TINAGL1: variants seen among roughly 807,000 people sequenced by gnomAD.
The protein encoded by TINAGL1 is tubulointerstitial nephritis antigen like 1.
A neutral mutation model predicts 62.0 loss-of-function variants in TINAGL1; 34 were observed. The ratio of observed to expected loss-of-function variants is 0.55; its 90% CI spans 0.42 to 0.73. TINAGL1 has a LOEUF of 0.73. TINAGL1 is among the 30% of genes least tolerant of loss of function. The probability of loss-of-function intolerance (pLI) is 0.00; values close to 1 mark genes in which losing one functional copy is unlikely to be tolerated. For synonymous variants in TINAGL1, 221 were observed against 249.7 expected (o/e 0.88, Z 1.08); for missense variants, 516 against 653.2 (o/e 0.79, Z 2.29).
At chr1:31,581,826 A>G (rs150228004) in intron 3 of TINAGL1, among the ~76,000 whole-genome samples, 136 of 152,328 alleles carry the variant, frequency 8.9e-4, no homozygotes, top group African/African-American at 3.2e-3. Context: ...TGATTCTCCT[A>G]AGATCACACA....
chr1:31,580,443 G>T (rs1376497044), intron 3 of TINAGL1: 2 of 1,289,190 alleles, frequency 1.6e-6, no homozygotes, highest in East Asian at 1.1e-4. Context: ...GAGTGTCCAG[G>T]GTGTCAGAGC....
Position 31,586,771 on chromosome 1 carries a change from C to T in TINAGL1, c.1263+16C>T. On this transcript the variant is annotated intron_variant, in intron 11 of 11. Transcript: ENST00000271064. ...CAAATACTGGGTGAGGCCGCTGACC[C>T]TTTCCCCGCCCCCTCTTCCCCTCGC... The T allele has an allele frequency of 6.4e-7, 1 of 1,551,754 alleles. No homozygotes were observed.
intron 3 of TINAGL1, among the ~76,000 whole-genome samples, chr1:31,581,226 T>C (rs1022005467): frequency 6.6e-6 from 1 of 151,778 alleles, no homozygotes; most frequent in African/African-American, 2.4e-5. Flanking sequence ...GGAAGCCACG[T>C]AGAGAGCACA....
At chr1:31,580,209 CTCTGTCTCTCTCTCTCTG>C (rs1639197042) in intron 3 of TINAGL1, 1 of 560,168 alleles carries the variant, frequency 1.8e-6, no homozygotes, top group Non-Finnish European at 2.2e-6. Context: ...CTCTCTCTCT[CTCTGTCTCTCTCTCTCTG>C]TCTCTCTCTG....
At position 31,577,599 on chromosome 1, in the gene TINAGL1, A is replaced by G; in HGVS notation, c.310+141A>G. 1.1e-5 allele frequency: 11 copies of G among 959,024 alleles called. No homozygotes were observed. The highest frequency in any genetic ancestry group is 1.5e-5 in the Non-Finnish European group (10 of 660,524). 59.4% of individuals were successfully genotyped at this position (959,024 alleles called of 1,614,324 possible). A position where few individuals can be genotyped will look rare whatever the true frequency, so the allele number is the denominator to read the frequency against. Reference sequence around the variant, plus strand: ...GGGACTCTTCCCTGCCCCTCTGGGAACTTTACTCTCCAGCAAGACTGAAGA... The same window carrying G: ...GGGACTCTTCCCTGCCCCTCTGGGAGCTTTACTCTCCAGCAAGACTGAAGA... On this transcript the variant is annotated intron_variant, in intron 2 of 11. Transcript: ENST00000271064. This position sits in a 1 kb window ranked among gnomAD's most constrained non-coding sequence, Gnocchi z 5.4.
In TINAGL1 at chr1:31,583,186, G is replaced by C; in HGVS notation, c.412G>C (p.Glu138Gln). The C allele has an allele frequency of 1.9e-6, 3 of 1,614,160 alleles. No individual in the cohort carries two copies. The highest frequency in any genetic ancestry group is 2.5e-6 in the Non-Finnish European group (3 of 1,180,036). Residue 138 changes from glutamate (E) to glutamine (Q), a missense_variant, in exon 4 of 12, where the codon GAA becomes CAA. Coordinates refer to ENST00000271064, the MANE Select transcript of TINAGL1 (RefSeq NM_022164.3). The surrounding 1 kb of genome is among the most constrained non-coding windows in gnomAD (Gnocchi z 4.4). The stretch of plus-strand genomic sequence containing the variant: ...GAACAGGCAGTGGCAGTGTGACCAA[G>C]AACCATGCCTGGTGGATCCAGACAT... ...QENRQWQCDQEPCLVDPDMIK... is the reference protein window; with the variant it reads ...QENRQWQCDQQPCLVDPDMIK...
chr1:31,583,622 A>C lies in TINAGL1; in HGVS notation c.582+47A>C. On this transcript the variant is annotated intron_variant, in intron 5 of 11. Transcript: ENST00000271064. This position sits in a 1 kb window ranked among gnomAD's most constrained non-coding sequence, Gnocchi z 4.4. ...ATGCTGCCATCTCCCCATGGCTCAGAACCTCAGGGATGCTGGCCCTGTGCC... is the reference window on the plus strand; with the variant it reads ...ATGCTGCCATCTCCCCATGGCTCAGCACCTCAGGGATGCTGGCCCTGTGCC... 6.6e-7 allele frequency: 1 copy of C among 1,516,980 alleles called. No individual in the cohort carries two copies. Among genetic ancestry groups the C allele is most frequent in the African/African-American group, 1.4e-5 (1 of 73,034 alleles). 94.0% of individuals were successfully genotyped at this position (1,516,980 alleles called of 1,614,324 possible).
At position 31,585,778 on chromosome 1, in the gene TINAGL1, C is replaced by A; in HGVS notation, c.1119C>A (p.Phe373Leu). The A allele has an allele frequency of 6.2e-7, 1 of 1,613,750 alleles. No homozygotes were observed. Among genetic ancestry groups the A allele is most frequent in the East Asian group, 2.2e-5 (1 of 44,872 alleles). ...VQALMEVHED[F>L]FLYKGGIYSH... ...CCCTCATGGAGGTGCATGAGGACTT[C>A]TTCCTATACAAGGGAGGCATCTACA... is the stretch of plus-strand genomic sequence containing the variant. The change falls in exon 10 of 12, where the codon TTC becomes TTA. Residue 373 changes from phenylalanine to leucine, a missense_variant. Coordinates refer to ENST00000271064, the MANE Select transcript of TINAGL1 (RefSeq NM_022164.3). The surrounding 1 kb of genome is among the most constrained non-coding windows in gnomAD (Gnocchi z 4.3).
chr1:31,580,416 T>G (rs998215217), intron 3 of TINAGL1: 4 of 1,289,296 alleles, frequency 3.1e-6, no homozygotes, highest in South Asian at 2.5e-5. Context: ...ATGAAGGCTC[T>G]GGGGGCGAGG....
At position 31,584,490 on chromosome 1, in the gene TINAGL1, G is replaced by A; in HGVS notation, c.583-188G>A. The A allele has an allele frequency of 1.3e-6, 1 of 788,126 alleles. No homozygotes were observed. Among genetic ancestry groups the A allele is most frequent in the East Asian group, 2.8e-5 (1 of 35,978 alleles). 48.8% of individuals were successfully genotyped at this position (788,126 alleles called of 1,614,324 possible). ...CCGCCCCACCACCTGATACCTGGGA[G>A]GCACTAAATGGTGCTTGGTTCTTCA... On this transcript the variant is annotated intron_variant, in intron 5 of 11. Coordinates refer to ENST00000271064, the MANE Select transcript of TINAGL1 (RefSeq NM_022164.3). This position sits in a 1 kb window ranked among gnomAD's most constrained non-coding sequence, Gnocchi z 4.0.
At chr1:31,581,265 C>G (rs528881902) in intron 3 of TINAGL1, among the ~76,000 whole-genome samples, 47 of 145,004 alleles carry the variant, frequency 3.2e-4, no homozygotes, top group Non-Finnish European at 6.2e-4. Context: ...TCAAAGATCT[C>G]TCTGGCTTTG....
At chr1:31,578,026 T>A in intron 2 of TINAGL1, 1 of 321,130 alleles carries the variant, frequency 3.1e-6, no homozygotes, top group Non-Finnish European at 4.5e-6. Context: ...GACGGTTGCT[T>A]ACCTTCTCTG....
In TINAGL1 at chr1:31,584,675, C is replaced by T; in HGVS notation, c.583-3C>T. Reference sequence around the variant, plus strand: ...GGCAGACAGGGCAACCTTTATCTTGCAGACAGTGCTGAACCCAGGGGAGGT... The same window carrying T: ...GGCAGACAGGGCAACCTTTATCTTGTAGACAGTGCTGAACCCAGGGGAGGT... On this transcript the variant is annotated splice_region_variant and splice_polypyrimidine_tract_variant and intron_variant, in intron 5 of 11. Coordinates refer to ENST00000271064, the MANE Select transcript of TINAGL1 (RefSeq NM_022164.3). This position sits in a 1 kb window ranked among gnomAD's most constrained non-coding sequence, Gnocchi z 4.0. 3 of 1,613,240 alleles carry T rather than the reference C, an allele frequency of 1.9e-6. No homozygotes were observed. The highest frequency in any genetic ancestry group is 8.5e-7 in the Non-Finnish European group (1 of 1,180,028).
Position 31,584,086 on chromosome 1 carries a change from AC to A in TINAGL1, c.582+513del, listed in dbSNP as rs1639320810. 5.9e-6 allele frequency: 1 copy of A among 169,734 alleles called. No individual in the cohort carries two copies. Among genetic ancestry groups the A allele is most frequent in the African/African-American group, 2.4e-5 (1 of 41,876 alleles). 10.5% of individuals were successfully genotyped at this position (169,734 alleles called of 1,614,324 possible). A position where few individuals can be genotyped will look rare whatever the true frequency, so the allele number is the denominator to read the frequency against. ...GGAAGGGGAGCTTCAGCAGGCCTGG[AC>A]CGGGACATGTGCCGGAGCATTTGTC... On this transcript the variant is annotated intron_variant, in intron 5 of 11. Coordinates refer to ENST00000271064, the MANE Select transcript of TINAGL1 (RefSeq NM_022164.3). The surrounding 1 kb of genome is among the most constrained non-coding windows in gnomAD (Gnocchi z 4.0).
rs1022687581 is a variant in TINAGL1 at position 31,583,677 on chromosome 1, T to C, written c.582+102T>C. ...TCCTCCAAGGGCCTGGACCATCCCC[T>C]ACTACAAGGCTGTGTGTCCCTGGAC... is the stretch of plus-strand genomic sequence containing the variant. On this transcript the variant is annotated intron_variant, in intron 5 of 11. Coordinates refer to ENST00000271064, the MANE Select transcript of TINAGL1 (RefSeq NM_022164.3). This position sits in a 1 kb window ranked among gnomAD's most constrained non-coding sequence, Gnocchi z 4.4. 5 of 1,000,496 alleles carry C rather than the reference T, an allele frequency of 5.0e-6. No homozygotes were observed. The highest frequency in any genetic ancestry group is 7.5e-6 in the Non-Finnish European group (5 of 666,594). 62.0% of individuals were successfully genotyped at this position (1,000,496 alleles called of 1,614,324 possible).
In TINAGL1 at chr1:31,583,008, C is replaced by A; in HGVS notation, c.375-141C>A. On this transcript the variant is annotated intron_variant, in intron 3 of 11. Transcript: ENST00000271064. The surrounding 1 kb of genome is among the most constrained non-coding windows in gnomAD (Gnocchi z 4.4). ...AACTAGACGTTGACATTTAAAGCCACCAGGCTGGATGGGATCACCTAGAGA... is the reference window on the plus strand; with the variant it reads ...AACTAGACGTTGACATTTAAAGCCAACAGGCTGGATGGGATCACCTAGAGA... The A allele has an allele frequency of 2.8e-6, 2 of 716,430 alleles. No homozygotes were observed. Among genetic ancestry groups the A allele is most frequent in the Admixed American group, 4.2e-5 (2 of 47,466 alleles). The allele number at this position is 716,430 out of a possible 1,614,324, so 44.4% of individuals were successfully genotyped here. A position where few individuals can be genotyped will look rare whatever the true frequency, so the allele number is the denominator to read the frequency against.
chr1:31,580,063 CTG>C (rs67386887), intron 3 of TINAGL1, among the ~76,000 whole-genome samples: 3,411 of 148,904 alleles, frequency 0.023, 44 homozygotes, highest in Middle Eastern at 0.035. Context: ...TGTGTGTGCA[CTG>C]TGTGTGTGTG....
chr1:31,585,420 G>T lies in TINAGL1; in HGVS notation c.1048-20G>T. 6.2e-7 allele frequency: 1 copy of T among 1,613,850 alleles called. No individual in the cohort carries two copies. The highest frequency in any genetic ancestry group is 1.3e-5 in the African/African-American group (1 of 75,072). On this transcript the variant is annotated intron_variant, in intron 8 of 11. Coordinates refer to ENST00000271064, the MANE Select transcript of TINAGL1 (RefSeq NM_022164.3). The surrounding 1 kb of genome is among the most constrained non-coding windows in gnomAD (Gnocchi z 4.3). Reference sequence around the variant, plus strand: ...GTCTCACCCCTGACGTATGCTCTCTGTCCATCCCCTGCCCTCCAGGACAAG... The same window carrying T: ...GTCTCACCCCTGACGTATGCTCTCTTTCCATCCCCTGCCCTCCAGGACAAG...
intron 3 of TINAGL1, chr1:31,580,189 C>CTT (rs201734532): frequency 2.3e-6 from 1 of 430,424 alleles, no homozygotes; most frequent in Non-Finnish European, 3.1e-6. Context: ...CTCTCTCTCT[C>CTT]TCTCTCTCTC....
Sources: gnomAD v4.1 joint callset for allele counts (sites outside exome capture counted in the v4.1 genomes callset) on GRCh38, gnomAD v4.1.1 for gene constraint, Gnocchi (gnomAD v3.1) non-coding constraint, MANE v1.5 for transcripts, NCBI Gene and HGNC (gene_info 2026-07-23, HGNC 2026-07-21) for gene names.